Variants in EYA1 observed in about 807,000 individuals in gnomAD.
EYA1 encodes the protein EYA transcriptional coactivator and phosphatase 1.
A neutral mutation model predicts 82.0 loss-of-function variants in EYA1; 16 were observed. The ratio of observed to expected loss-of-function variants is 0.20; its 90% CI spans 0.13 to 0.30. The LOEUF (loss-of-function observed/expected upper bound fraction) is 0.30, where lower values mean the gene tolerates loss of function less well. Ranked by LOEUF, EYA1 falls within the 10% of genes least tolerant of loss-of-function variation. The probability of loss-of-function intolerance (pLI) is 1.00; values close to 1 mark genes in which losing one functional copy is unlikely to be tolerated. For missense variants in EYA1, 633 were observed against 730.7 expected, an observed-to-expected ratio of 0.87 and a Z score of 1.54; for synonymous variants, 261 against 264.4, an observed-to-expected ratio of 0.99 and a Z score of 0.12.
At chr8:71,344,691 C>T (rs144627044) in intron 3 of EYA1, among the ~76,000 whole-genome samples, 35 of 152,056 alleles carry the variant, frequency 2.3e-4, no homozygotes, top group Non-Finnish European at 3.5e-4. Flanking sequence ...GTGAATGGCA[C>T]GGCAATAAGA....
At chr8:71,357,781 C>T (rs947583968) in intron 1 of EYA1, among the ~76,000 whole-genome samples, 5 of 152,158 alleles carry the variant, frequency 3.3e-5, no homozygotes, top group East Asian at 3.9e-4. Flanking sequence ...TTCTACAATA[C>T]GTGCAGGATG....
At chr8:71,414,304 G>T (rs1830751580) in intron 2 of EYA1, among the ~76,000 whole-genome samples, 1 of 152,152 alleles carries the variant, frequency 6.6e-6, no homozygotes. Flanking sequence ...GGAGGAATAC[G>T]TGTTTCATTC....
intron 2 of EYA1, among the ~76,000 whole-genome samples, chr8:71,373,484 A>G (rs1343695880): frequency 6.6e-6 from 1 of 152,100 alleles, no homozygotes; most frequent in East Asian, 1.9e-4. Flanking sequence ...GAAAGAAATT[A>G]AGAAGACACA....
At chr8:71,404,073 C>T (rs1004237189) in intron 2 of EYA1, 10 of 152,160 alleles carry the variant, frequency 6.6e-5, no homozygotes, top group East Asian at 1.9e-4. Flanking sequence ...AATGGAACTA[C>T]GAAGTCAGAT....
intron 2 of EYA1, among the ~76,000 whole-genome samples, chr8:71,516,003 A>C (rs533669277): frequency 1.3e-5 from 2 of 152,188 alleles, no homozygotes; most frequent in African/African-American, 4.8e-5. Context: ...AGGGATTAAC[A>C]GATATGTAAA....
At chr8:71,470,218 C>T (rs2129200021) in intron 2 of EYA1, among the ~76,000 whole-genome samples, 1 of 152,132 alleles carries the variant, frequency 6.6e-6, no homozygotes, top group African/African-American at 2.4e-5. Context: ...CAATTGCTTT[C>T]CAGTAGGATT....
upstream of EYA1, among the ~76,000 whole-genome samples, chr8:71,365,790 G>A (rs1827718963): frequency 1.3e-5 from 2 of 152,100 alleles, no homozygotes; most frequent in Admixed American, 1.3e-4. Flanking sequence ...CCTACAATGA[G>A]GGTCCTGCTC....
chr8:71,413,115 T>G lies in EYA1; in HGVS notation c.34-56604A>C, dbSNP rs6472586. 5.9e-4 allele frequency among the ~76,000 whole-genome samples: 89 copies of G among 152,100 alleles called. 1 individual carries two copies. The highest frequency in any genetic ancestry group is 2.1e-3 in the African/African-American group (89 of 41,488). On this transcript the variant is annotated intron_variant, in intron 2 of 18. Coordinates refer to the EYA1 transcript ENST00000643681. Reference sequence around the variant, plus strand: ...GGGTGGATATGAAAACACATTATTATAAGGATGATATTGTGGAAGTTCAGA... The same window carrying G: ...GGGTGGATATGAAAACACATTATTAGAAGGATGATATTGTGGAAGTTCAGA...
chr8:71,314,216 T>C (rs966278578), intron 7 of EYA1, among the ~76,000 whole-genome samples: 5 of 152,134 alleles, frequency 3.3e-5, no homozygotes, highest in African/African-American at 1.2e-4. Context: ...TTAAAAAACA[T>C]GTATTAAAAA....
At chr8:71,334,306 T>C (rs757986894) in intron 3 of EYA1, 132 bp from the exon 4 acceptor site, 1 of 783,958 alleles carries the variant, frequency 1.3e-6, no homozygotes, top group Non-Finnish European at 2.3e-6. Flanking sequence ...TGAACATATA[T>C]CATAAGCATA....
intron 4 of EYA1, among the ~76,000 whole-genome samples, chr8:71,327,311 A>G (rs1823273877): frequency 6.6e-6 from 1 of 152,228 alleles, no homozygotes; most frequent in African/African-American, 2.4e-5. Flanking sequence ...AATTAAAAAG[A>G]GAAACCATAT....
intron 12 of EYA1, among the ~76,000 whole-genome samples, chr8:71,232,934 T>C (rs1811368805): frequency 6.6e-6 from 1 of 152,164 alleles, no homozygotes; most frequent in Non-Finnish European, 1.5e-5. Flanking sequence ...ACTTAACAGA[T>C]TTTAACTCAC....
chr8:71,457,617 T>A (rs570624191), intron 2 of EYA1, among the ~76,000 whole-genome samples: 1 of 152,274 alleles, frequency 6.6e-6, no homozygotes, highest in African/African-American at 2.4e-5. Flanking sequence ...TATAGGGACA[T>A]GGATGAAGCT....
chr8:71,303,343 T>A (rs1164208201), intron 7 of EYA1, among the ~76,000 whole-genome samples: 1 of 138,328 alleles, frequency 7.2e-6, no homozygotes, highest in Non-Finnish European at 1.6e-5. Flanking sequence ...CACACATCCA[T>A]GACTTACTAA....
In EYA1 at chr8:71,324,138, T is replaced by G. The variant is rs1402350111; in HGVS notation, c.203-1870A>C. On this transcript the variant is annotated intron_variant, in intron 4 of 17. Transcript: ENST00000340726. Reference sequence around the variant, plus strand: ...ATTGTGGGTCATGGCTCATGAAAAGTTCATAAACTCAATAGGTTGTACCCA... The same window carrying G: ...ATTGTGGGTCATGGCTCATGAAAAGGTCATAAACTCAATAGGTTGTACCCA... 2.0e-5 allele frequency among the ~76,000 whole-genome samples: 3 copies of G among 152,204 alleles called. No individual in the cohort carries two copies. The East Asian group carries it at 5.8e-4, about 29-fold the overall frequency.
intron 2 of EYA1, among the ~76,000 whole-genome samples, chr8:71,408,099 A>C (rs958464731): frequency 6.6e-6 from 1 of 152,166 alleles, no homozygotes; most frequent in Non-Finnish European, 1.5e-5. Flanking sequence ...TTTTCAACAC[A>C]GAATTTCATA....
intron 11 of EYA1, among the ~76,000 whole-genome samples, chr8:71,253,919 G>A (rs1441669575): frequency 1.3e-5 from 2 of 152,100 alleles, no homozygotes; most frequent in Non-Finnish European, 2.9e-5. Flanking sequence ...TCAGCAAGTG[G>A]TTTAGTTTCA....
At chr8:71,423,619 A>G (rs1831261943) in intron 2 of EYA1, among the ~76,000 whole-genome samples, 1 of 152,218 alleles carries the variant, frequency 6.6e-6, no homozygotes, top group Non-Finnish European at 1.5e-5. Context: ...AGGATTAGTC[A>G]TCCACGACCG....
chr8:71,254,830 C>A (rs1814199596), intron 11 of EYA1, among the ~76,000 whole-genome samples: 1 of 150,042 alleles, frequency 6.7e-6, no homozygotes, highest in African/African-American at 2.5e-5. Context: ...GCCCCGAAGA[C>A]CTCCCCCCAC....
Sources: gnomAD v4.1 joint callset for allele counts (sites outside exome capture counted in the v4.1 genomes callset) on GRCh38, gnomAD v4.1.1 for gene constraint, MANE v1.5 for transcripts, NCBI Gene and HGNC (gene_info 2026-07-23, HGNC 2026-07-21) for gene names.